Variants in IFNG-AS1 observed in about 807,000 individuals in gnomAD.
The protein encoded by IFNG-AS1 is IFNG antisense RNA 1 (non-protein coding).
rs187465084 is a variant in IFNG-AS1 at position 68,004,784 on chromosome 12, C to T, written n.185-1306C>T. 3.1e-3 allele frequency among the ~76,000 whole-genome samples: 471 copies of T among 152,262 alleles called. 5 individuals are homozygous for T. The highest frequency in any genetic ancestry group is 0.029 in the South Asian group (141 of 4,824). ...CACATTAACAAAGAGTCTTCCAATA[C>T]GGTCTTTTTTCCCCAAGTGCTCCAA... On this transcript the variant is annotated intron_variant and non_coding_transcript_variant, in intron 2 of 5. Transcript: ENST00000536914.
At chr12:67,994,800 G>A (rs576940428) in intron 1 of IFNG-AS1, among the ~76,000 whole-genome samples, 4 of 152,238 alleles carry the variant, frequency 2.6e-5, no homozygotes, top group African/African-American at 7.2e-5. Flanking sequence ...GTGATCCACC[G>A]CAGATTTAAA....
At chr12:68,019,385 A>G (rs943059967) in intron 3 of IFNG-AS1, among the ~76,000 whole-genome samples, 8 of 152,212 alleles carry the variant, frequency 5.3e-5, no homozygotes, top group Non-Finnish European at 1.0e-4. Context: ...AAGGTTTTGT[A>G]ATGGATACAA....
intron 2 of IFNG-AS1, among the ~76,000 whole-genome samples, chr12:67,996,877 T>C (rs899887075): frequency 2.0e-5 from 3 of 152,186 alleles, no homozygotes; most frequent in Non-Finnish European, 4.4e-5. Flanking sequence ...AGCTAACTAC[T>C]ATAAGAAATA....
At chr12:67,993,639 A>C (rs1258062010) in intron 1 of IFNG-AS1, among the ~76,000 whole-genome samples, 1 of 152,224 alleles carries the variant, frequency 6.6e-6, no homozygotes, top group Admixed American at 6.5e-5. Flanking sequence ...TGATTTTCCA[A>C]TAGTTCTACC....
intron 2 of IFNG-AS1, among the ~76,000 whole-genome samples, chr12:68,002,019 T>C (rs917305610): frequency 3.9e-5 from 6 of 152,360 alleles, no homozygotes; most frequent in African/African-American, 1.4e-4. Flanking sequence ...ATATTATTGA[T>C]TTAGGTTAAA....
intron 2 of IFNG-AS1, among the ~76,000 whole-genome samples, chr12:67,997,708 C>A (rs1247409705): frequency 6.7e-6 from 1 of 150,180 alleles, no homozygotes; most frequent in Non-Finnish European, 1.5e-5. Context: ...CAAAGTCAAA[C>A]AACAAACAAA....
chr12:68,003,862 G>C (rs181402484), intron 2 of IFNG-AS1, among the ~76,000 whole-genome samples: 1 of 148,064 alleles, frequency 6.8e-6, no homozygotes, highest in South Asian at 2.1e-4. Flanking sequence ...AACCGAGATC[G>C]CCCCACTGCA....
At chr12:68,016,592 A>G (rs1317389446) in intron 3 of IFNG-AS1, among the ~76,000 whole-genome samples, 1 of 152,194 alleles carries the variant, frequency 6.6e-6, no homozygotes, top group Non-Finnish European at 1.5e-5. Context: ...GTGATGAAAT[A>G]ATGAATGTCA....
intron 3 of IFNG-AS1, among the ~76,000 whole-genome samples, chr12:68,017,145 G>A (rs982195476): frequency 1.3e-5 from 2 of 152,182 alleles, no homozygotes; most frequent in African/African-American, 4.8e-5. Flanking sequence ...AGGAACAGCA[G>A]CAGGTAGGAA....
chr12:68,018,887 A>G (rs960053009), intron 3 of IFNG-AS1, among the ~76,000 whole-genome samples: 12 of 152,100 alleles, frequency 7.9e-5, no homozygotes, highest in African/African-American at 2.9e-4. Flanking sequence ...TGTTACAAGC[A>G]CAGTGACCTA....
At chr12:68,004,272 C>A (rs1332258351) in intron 2 of IFNG-AS1, among the ~76,000 whole-genome samples, 2 of 152,204 alleles carry the variant, frequency 1.3e-5, no homozygotes, top group Admixed American at 6.5e-5. Flanking sequence ...ACTAAAGTCT[C>A]TTGTCTTTTA....
At chr12:68,019,494 G>A (rs968737764) in intron 3 of IFNG-AS1, among the ~76,000 whole-genome samples, 4 of 152,110 alleles carry the variant, frequency 2.6e-5, no homozygotes, top group Non-Finnish European at 4.4e-5. Context: ...CGTACCTCTG[G>A]AGCACAGCGT....
intron 2 of IFNG-AS1, among the ~76,000 whole-genome samples, chr12:68,003,425 C>CTTTTTTTTT (rs755483588): frequency 1.4e-5 from 2 of 142,714 alleles, no homozygotes; most frequent in African/African-American, 2.6e-5. Flanking sequence ...ATATTCCCCC[C>CTTTTTTTTT]TTTTTTTTTT....
chr12:67,996,246 T>C (rs574474156), intron 2 of IFNG-AS1, among the ~76,000 whole-genome samples: 3 of 152,330 alleles, frequency 2.0e-5, no homozygotes, highest in Admixed American at 6.5e-5. Flanking sequence ...TACCGTATGA[T>C]AGCAATTAGT....
intron 1 of IFNG-AS1, among the ~76,000 whole-genome samples, chr12:67,991,053 C>T (rs1209818423): frequency 6.6e-6 from 1 of 152,136 alleles, no homozygotes. Flanking sequence ...CCAGAAAGAA[C>T]CTGACATCCT....
At chr12:67,995,788 G>C (rs1879628525) in intron 1 of IFNG-AS1, among the ~76,000 whole-genome samples, 1 of 151,598 alleles carries the variant, frequency 6.6e-6, no homozygotes, top group East Asian at 1.9e-4. Flanking sequence ...CTTTCAGTTT[G>C]CCTTTTACAA....
chr12:68,009,407 A>G (rs1219742062), intron 3 of IFNG-AS1, among the ~76,000 whole-genome samples: 1 of 152,118 alleles, frequency 6.6e-6, no homozygotes, highest in African/African-American at 2.4e-5. Context: ...CAGTGACACA[A>G]TCTTGGCTCA....
chr12:67,991,244 T>C (rs906614283), intron 1 of IFNG-AS1, among the ~76,000 whole-genome samples: 1 of 152,232 alleles, frequency 6.6e-6, no homozygotes, highest in African/African-American at 2.4e-5. Context: ...GTATTGATTA[T>C]TAGGTTTTAA....
intron 1 of IFNG-AS1, among the ~76,000 whole-genome samples, chr12:67,991,650 C>A (rs58752621): frequency 0.016 from 2,502 of 152,322 alleles, 85 homozygotes; most frequent in African/African-American, 0.057. Flanking sequence ...CCATGTTAAA[C>A]CCAGAACTTT....
Sources: gnomAD v4.1 joint callset for allele counts (sites outside exome capture counted in the v4.1 genomes callset) on GRCh38, gnomAD v4.1.1 for gene constraint, MANE v1.5 for transcripts, NCBI Gene and HGNC (gene_info 2026-07-23, HGNC 2026-07-21) for gene names.